Variants in DRC11 observed in about 807,000 individuals in gnomAD.
DRC11 encodes IQ and AAA domain-containing protein 1.
chr2:236,465,706 G>T, the DRC11 span: 1 of 1,601,450 alleles, frequency 6.2e-7, no homozygotes, highest in Non-Finnish European at 8.6e-7. This position sits in a 1 kb window ranked among gnomAD's most constrained non-coding sequence, Gnocchi z 6.2. Context: ...GAGAGGAGGT[G>T]GATTCTGAAA....
chr2:236,489,186 T>C, the DRC11 span, among the ~76,000 whole-genome samples: 1,586 of 74,440 alleles, frequency 0.021, 55 homozygotes, highest in African/African-American at 0.075. Flanking sequence ...GCTCTGGGTG[T>C]ATGCTGGGGC....
At chr2:236,324,551 T>C in the DRC11 span, 90 of 603,992 alleles carry the variant, frequency 1.5e-4, 1 homozygote, top group South Asian at 1.7e-3. This position sits in a 1 kb window ranked among gnomAD's most constrained non-coding sequence, Gnocchi z 5.7. Flanking sequence ...GCTAAGTTCC[T>C]TCCCCTGAGG....
chr2:236,357,512 A>AAATATATTTAT, the DRC11 span, among the ~76,000 whole-genome samples: 1 of 127,350 alleles, frequency 7.9e-6, no homozygotes, highest in South Asian at 2.3e-4. Flanking sequence ...TACATATTAT[A>AAATATATTTAT]AATATATTTA....
At chr2:236,491,211 T>TATAC in the DRC11 span, among the ~76,000 whole-genome samples, 1 of 38,762 alleles carries the variant, frequency 2.6e-5, no homozygotes, top group Non-Finnish European at 4.8e-5. Flanking sequence ...TATATATATA[T>TATAC]ACACACAGTA....
the DRC11 span, among the ~76,000 whole-genome samples, chr2:236,341,337 G>A: frequency 2.6e-5 from 4 of 152,190 alleles, no homozygotes; most frequent in Non-Finnish European, 2.9e-5. Flanking sequence ...CACTCGAGGC[G>A]CAGGTGGGAG....
At chr2:236,489,829 G>A in the DRC11 span, among the ~76,000 whole-genome samples, 1 of 152,190 alleles carries the variant, frequency 6.6e-6, no homozygotes, top group Non-Finnish European at 1.5e-5. Flanking sequence ...GGAAGCTGGG[G>A]CGAGAGGATC....
At chr2:236,365,087 T>G in the DRC11 span, among the ~76,000 whole-genome samples, 1 of 152,028 alleles carries the variant, frequency 6.6e-6, no homozygotes, top group Admixed American at 6.6e-5. This position sits in a 1 kb window ranked among gnomAD's most constrained non-coding sequence, Gnocchi z 7.4. Flanking sequence ...GTTGGACACC[T>G]GGGTATGGAA....
At chr2:236,420,229 C>T in the DRC11 span, among the ~76,000 whole-genome samples, 2 of 152,204 alleles carry the variant, frequency 1.3e-5, no homozygotes, top group African/African-American at 4.8e-5. The surrounding 1 kb of genome is among the most constrained non-coding windows in gnomAD (Gnocchi z 4.8). Context: ...TGCAGTATCC[C>T]AGCCAGGGAC....
At chr2:236,393,182 T>C in the DRC11 span, among the ~76,000 whole-genome samples, 1 of 152,166 alleles carries the variant, frequency 6.6e-6, no homozygotes, top group Non-Finnish European at 1.5e-5. This position sits in a 1 kb window ranked among gnomAD's most constrained non-coding sequence, Gnocchi z 4.7. Context: ...GGAAATTTGC[T>C]GGAATTTGTG....
the DRC11 span, among the ~76,000 whole-genome samples, chr2:236,505,568 C>T: frequency 6.6e-6 from 1 of 152,106 alleles, no homozygotes; most frequent in Admixed American, 6.5e-5. Context: ...TTCCCTCCTC[C>T]CAACACTCCC....
At chr2:236,464,612 G>A in the DRC11 span, among the ~76,000 whole-genome samples, 1 of 152,146 alleles carries the variant, frequency 6.6e-6, no homozygotes, top group African/African-American at 2.4e-5. Context: ...GAATACGCCT[G>A]GAGCCTTGTC....
chr2:236,435,386 G>C, the DRC11 span, among the ~76,000 whole-genome samples: 1 of 152,348 alleles, frequency 6.6e-6, no homozygotes, highest in East Asian at 1.9e-4. Flanking sequence ...AGTGTGATTG[G>C]AACACAGCCA....
the DRC11 span, among the ~76,000 whole-genome samples, chr2:236,358,428 ATATC>A: frequency 5.1e-5 from 7 of 138,118 alleles, no homozygotes; most frequent in Admixed American, 7.4e-5. Context: ...ATATGAATAT[ATATC>A]ATATATAAAT....
the DRC11 span, among the ~76,000 whole-genome samples, chr2:236,337,321 C>T: frequency 2.0e-4 from 31 of 152,260 alleles, no homozygotes; most frequent in African/African-American, 7.5e-4. This position sits in a 1 kb window ranked among gnomAD's most constrained non-coding sequence, Gnocchi z 4.9. Flanking sequence ...GCACTCTCCC[C>T]AGCTTCCCCT....
At chr2:236,345,285 C>T in the DRC11 span, among the ~76,000 whole-genome samples, 11 of 152,274 alleles carry the variant, frequency 7.2e-5, no homozygotes, top group Middle Eastern at 3.4e-3. Context: ...TGCCCCACCA[C>T]GTCCCTTCCT....
At chr2:236,307,579 T>C in the DRC11 span, among the ~76,000 whole-genome samples, 1 of 152,216 alleles carries the variant, frequency 6.6e-6, no homozygotes, top group Non-Finnish European at 1.5e-5. This position sits in a 1 kb window ranked among gnomAD's most constrained non-coding sequence, Gnocchi z 7.0. Flanking sequence ...GGTGTTTTCC[T>C]GCAGCCCAGC....
the DRC11 span, chr2:236,497,373 T>C: frequency 1.2e-6 from 2 of 1,613,976 alleles, no homozygotes; most frequent in Non-Finnish European, 1.7e-6. This position sits in a 1 kb window ranked among gnomAD's most constrained non-coding sequence, Gnocchi z 5.1. Context: ...AGAAGGTGGC[T>C]AATGTTTGAA....
chr2:236,379,260 C>A, the DRC11 span, among the ~76,000 whole-genome samples: 1 of 151,764 alleles, frequency 6.6e-6, no homozygotes, highest in Non-Finnish European at 1.5e-5. Flanking sequence ...CGGAGGGAAC[C>A]CCCAAACAGA....
chr2:236,316,230 T>C, the DRC11 span, among the ~76,000 whole-genome samples: 25 of 152,200 alleles, frequency 1.6e-4, no homozygotes, highest in African/African-American at 5.5e-4. This position sits in a 1 kb window ranked among gnomAD's most constrained non-coding sequence, Gnocchi z 6.8. Flanking sequence ...TTGTGCGATC[T>C]TGGCTCACTG....
Sources: allele counts gnomAD v4.1 joint callset (sites outside exome capture counted in the v4.1 genomes callset), GRCh38; gene constraint gnomAD v4.1.1; non-coding constraint Gnocchi (gnomAD v3.1); transcripts MANE v1.5; gene names NCBI Gene and HGNC (gene_info 2026-07-23, HGNC 2026-07-21).